Variants in RNF180 observed in about 807,000 individuals in gnomAD.
The protein encoded by RNF180 is ring finger protein 180, also known as E3 ubiquitin-protein ligase RNF180.
Under a neutral mutation model 59.2 loss-of-function variants are expected in RNF180, and 38 were observed. The observed-to-expected ratio is 0.64, with a 90% CI of 0.50 to 0.84. The LOEUF (loss-of-function observed/expected upper bound fraction) is 0.84. Ranked by LOEUF, RNF180 falls within the 40% of genes least tolerant of loss-of-function variation. The probability of loss-of-function intolerance (pLI) is 0.00; values close to 1 mark genes in which losing one functional copy is unlikely to be tolerated. For missense variants in RNF180, 705 were observed against 700.9 expected, an observed-to-expected ratio of 1.01 and a Z score of -0.07; for synonymous variants, 262 against 240.3, an observed-to-expected ratio of 1.09 and a Z score of -0.84.
intron 5 of RNF180, among the ~76,000 whole-genome samples, chr5:64,313,328 G>C (rs180823190): frequency 6.6e-6 from 1 of 151,960 alleles, no homozygotes; most frequent in Admixed American, 6.6e-5. Context: ...CCATAAATAG[G>C]CTCCTGTGTC....
intron 5 of RNF180, among the ~76,000 whole-genome samples, chr5:64,323,979 C>T (rs1380908782): frequency 6.6e-6 from 1 of 152,092 alleles, no homozygotes; most frequent in Admixed American, 6.6e-5. Context: ...AAGGTAATTG[C>T]AGTTTAGTAG....
At position 64,196,210 on chromosome 5, in the gene RNF180, A is replaced by G. The variant is rs746646282; in HGVS notation, c.1-4598A>G. Among the ~76,000 whole-genome samples, 48 of 151,078 alleles carry G rather than the reference A, an allele frequency of 3.2e-4. No individual in the cohort carries two copies. The Middle Eastern group carries it at 0.014, about 43-fold the overall frequency. On this transcript the variant is annotated intron_variant, in intron 1 of 7. Coordinates refer to ENST00000389100, the MANE Select transcript of RNF180 (RefSeq NM_001113561.2). ...ACTTAGTTTTTTTTTTTTTCCCACC[A>G]TTAACGCTTTCGGATGCTATAACTC... is the stretch of plus-strand genomic sequence containing the variant.
chr5:64,337,106 C>A (rs1212226396), intron 7 of RNF180, among the ~76,000 whole-genome samples: 2 of 151,812 alleles, frequency 1.3e-5, no homozygotes, highest in African/African-American at 2.4e-5. Context: ...CCTCAACCTT[C>A]CAATTCAGGC....
intron 5 of RNF180, among the ~76,000 whole-genome samples, chr5:64,237,623 C>T (rs1418348516): frequency 6.6e-6 from 1 of 151,968 alleles, no homozygotes; most frequent in Non-Finnish European, 1.5e-5. Context: ...TGGGAAGGGC[C>T]AGAGGCAGAA....
intron 5 of RNF180, among the ~76,000 whole-genome samples, chr5:64,268,631 T>A (rs1169742686): frequency 6.6e-6 from 1 of 152,194 alleles, no homozygotes. Context: ...AGATTTTGAA[T>A]CTTTCAACTT....
intron 7 of RNF180, among the ~76,000 whole-genome samples, chr5:64,347,354 A>G (rs968616321): frequency 1.1e-4 from 16 of 152,220 alleles, no homozygotes; most frequent in African/African-American, 3.9e-4. Flanking sequence ...TTTAAAATGG[A>G]TATCAAGGTA....
intron 5 of RNF180, among the ~76,000 whole-genome samples, chr5:64,277,443 ATGC>A (rs879904424): frequency 6.6e-5 from 10 of 152,150 alleles, no homozygotes; most frequent in Non-Finnish European, 1.3e-4. Context: ...ATGGGCACAC[ATGC>A]TTTTGTATTT....
Position 64,213,614 on chromosome 5 carries a change from C to A in RNF180, c.288C>A (p.Gly96=), listed in dbSNP as rs1752430306. The A allele has an allele frequency of 1.2e-6, 2 of 1,614,038 alleles. No homozygotes were observed. The highest frequency in any genetic ancestry group is 2.2e-5 in the East Asian group (1 of 44,878). The change falls in exon 4 of 8, where the codon GGC becomes GGA. Residue 96 remains glycine (G), a synonymous_variant. Coordinates refer to ENST00000389100, the MANE Select transcript of RNF180 (RefSeq NM_001113561.2). ...NCPFCGARLG[G]FNFVSTPKCS... ...CTTTCTGTGGGGCCCGTTTAGGGGG[C>A]TTTAATTTTGTCAGCACTCCAAAAT... is the stretch of plus-strand genomic sequence containing the variant.
intron 5 of RNF180, among the ~76,000 whole-genome samples, chr5:64,285,045 T>G (rs1165603200): frequency 6.6e-6 from 1 of 152,212 alleles, no homozygotes; most frequent in Non-Finnish European, 1.5e-5. Context: ...ATATGGTGGG[T>G]TCACCTCAGT....
chr5:64,284,399 C>T (rs1360031209), intron 5 of RNF180, among the ~76,000 whole-genome samples: 1 of 152,242 alleles, frequency 6.6e-6, no homozygotes. Flanking sequence ...TGAATGTTGA[C>T]CTCTCATGAG....
chr5:64,332,897 T>C (rs554784720), intron 7 of RNF180, among the ~76,000 whole-genome samples: 130 of 146,736 alleles, frequency 8.9e-4, no homozygotes, highest in African/African-American at 3.1e-3. Flanking sequence ...CAAAAGGAGG[T>C]TGGTCTTCTG....
intron 7 of RNF180, among the ~76,000 whole-genome samples, chr5:64,358,448 T>G (rs1216400963): frequency 6.6e-6 from 1 of 151,770 alleles, no homozygotes; most frequent in Non-Finnish European, 1.5e-5. Flanking sequence ...TTACTCCAAT[T>G]TATTTGAAAA....
chr5:64,321,884 A>G (rs1449818816), intron 5 of RNF180, among the ~76,000 whole-genome samples: 1 of 152,214 alleles, frequency 6.6e-6, no homozygotes, highest in Admixed American at 6.5e-5. Context: ...ATCTTCGACA[A>G]ACCTGATAAA....
chr5:64,208,005 C>G (rs1343753279), intron 2 of RNF180, among the ~76,000 whole-genome samples: 1 of 151,834 alleles, frequency 6.6e-6, no homozygotes, highest in Non-Finnish European at 1.5e-5. Context: ...ATAATATTAT[C>G]AACTTTTTAC....
At chr5:64,167,096 G>C (rs1259514479) in intron 1 of RNF180, among the ~76,000 whole-genome samples, 1 of 152,128 alleles carries the variant, frequency 6.6e-6, no homozygotes, top group African/African-American at 2.4e-5. Flanking sequence ...TCAGACTTTC[G>C]TCTCTTGTAT....
At chr5:64,277,317 T>C (rs1741778596) in intron 5 of RNF180, among the ~76,000 whole-genome samples, 1 of 151,930 alleles carries the variant, frequency 6.6e-6, no homozygotes, top group African/African-American at 2.4e-5. Context: ...AATGAGATCA[T>C]CCTGTTTATG....
chr5:64,188,831 A>G (rs374976748), intron 1 of RNF180, among the ~76,000 whole-genome samples: 2 of 152,092 alleles, frequency 1.3e-5, no homozygotes, highest in African/African-American at 4.8e-5. Flanking sequence ...TTCTATAGGT[A>G]CTGTTATGGA....
At chr5:64,283,926 C>T (rs1431944407) in intron 5 of RNF180, among the ~76,000 whole-genome samples, 1 of 152,138 alleles carries the variant, frequency 6.6e-6, no homozygotes, top group Non-Finnish European at 1.5e-5. Context: ...ATTATGCAAG[C>T]TTGATTCTGT....
At chr5:64,184,947 T>C (rs1477192498) in intron 1 of RNF180, among the ~76,000 whole-genome samples, 1 of 152,174 alleles carries the variant, frequency 6.6e-6, no homozygotes, top group Non-Finnish European at 1.5e-5. Context: ...TAGAGAACCA[T>C]CCCACATTTA....
Sources: allele counts gnomAD v4.1 joint callset (sites outside exome capture counted in the v4.1 genomes callset), GRCh38; gene constraint gnomAD v4.1.1; transcripts MANE v1.5; gene names NCBI Gene and HGNC (gene_info 2026-07-23, HGNC 2026-07-21).